DNAAF9: variants seen among roughly 807,000 people sequenced by gnomAD.
The protein encoded by DNAAF9 is shulin.
In DNAAF9, 90 loss-of-function variants were observed where a neutral mutation model predicts 167.0. The observed-to-expected ratio is 0.54, with a 90% CI of 0.45 to 0.64. The LOEUF (loss-of-function observed/expected upper bound fraction) is 0.64. Ranked by LOEUF, DNAAF9 falls within the 30% of genes least tolerant of loss-of-function variation. DNAAF9 has a pLI of 0.00. For missense variants in DNAAF9, 1,315 were observed against 1,442.2 expected, an observed-to-expected ratio of 0.91 and a Z score of 1.43; for synonymous variants, 491 against 508.8, an observed-to-expected ratio of 0.96 and a Z score of 0.47.
intron 10 of DNAAF9, among the ~76,000 whole-genome samples, chr20:3,333,271 G>A (rs1045648280): frequency 1.1e-4 from 16 of 152,178 alleles, no homozygotes; most frequent in Non-Finnish European, 1.9e-4. Context: ...CATTGATACA[G>A]AGATAAAATA....
intron 27 of DNAAF9, among the ~76,000 whole-genome samples, chr20:3,285,353 C>T (rs528184520): frequency 4.6e-5 from 7 of 151,558 alleles, no homozygotes; most frequent in African/African-American, 1.7e-4. Flanking sequence ...TCGAGACCAG[C>T]CTGGGCAACA....
rs188180260 is a variant in DNAAF9 at position 3,340,774 on chromosome 20, A to G, written c.846-135T>C. ...GCAAAGTGGTCAGTCAGTACAGTCG[A>G]CCGAATATCCTTGGCTGGTTGGAAA... On this transcript the variant is annotated intron_variant, in intron 9 of 36. Transcript: ENST00000252032. The G allele has an allele frequency of 2.2e-4, 158 of 729,310 alleles. 2 individuals carry two copies. In the Admixed American group the frequency reaches 3.1e-3, roughly 14 times the overall value. 45.2% of individuals were successfully genotyped at this position (729,310 alleles called of 1,614,324 possible).
Position 3,382,511 on chromosome 20 carries a change from A to G in DNAAF9, c.84-5T>C. 6.2e-7 allele frequency: 1 copy of G among 1,613,418 alleles called. No homozygotes were observed. ...ACCTGCCGAAGTCGACTGCAGCTGCAACAAGAACAGAAAATGGTCCCCTGA... is the reference window on the plus strand; with the variant it reads ...ACCTGCCGAAGTCGACTGCAGCTGCGACAAGAACAGAAAATGGTCCCCTGA... On this transcript the variant is annotated splice_polypyrimidine_tract_variant and splice_region_variant and intron_variant, in intron 1 of 36. Transcript: ENST00000252032.
chr20:3,357,623 C>A (rs559119287), intron 7 of DNAAF9, among the ~76,000 whole-genome samples: 2 of 121,360 alleles, frequency 1.6e-5, no homozygotes, highest in South Asian at 6.3e-4. Flanking sequence ...CTTCCTCACC[C>A]ATCCAGCTTT....
chr20:3,296,787 G>T, intron 23 of DNAAF9, 74 bp downstream of exon 23: 1 of 913,482 alleles, frequency 1.1e-6, no homozygotes, highest in Non-Finnish European at 1.8e-6. Context: ...GTTACATAAT[G>T]CGAGGCATCC....
Position 3,294,127 on chromosome 20 carries a change from G to C in DNAAF9, c.2238+12C>G. 7.2e-7 allele frequency: 1 copy of C among 1,390,694 alleles called. No individual in the cohort carries two copies. The highest frequency in any genetic ancestry group is 1.0e-6 in the Non-Finnish European group (1 of 976,960). The allele number at this position is 1,390,694 out of a possible 1,614,324, so 86.1% of individuals were successfully genotyped here. On this transcript the variant is annotated intron_variant, in intron 25 of 36. Transcript: ENST00000252032. ...CCTGTGAATTCCCAGCATATCTGGT[G>C]AGCTCCTCTACCTTGTCACTTTCTA... is the stretch of plus-strand genomic sequence containing the variant.
intron 1 of DNAAF9, among the ~76,000 whole-genome samples, chr20:3,401,428 G>A (rs1238195028): frequency 6.6e-6 from 1 of 152,032 alleles, no homozygotes; most frequent in African/African-American, 2.4e-5. Context: ...TTGAACTCCT[G>A]ACCTCAGGTG....
chr20:3,368,734 G>A (rs2083466317), intron 6 of DNAAF9, among the ~76,000 whole-genome samples: 1 of 151,940 alleles, frequency 6.6e-6, no homozygotes. Context: ...TAGCCAGGAT[G>A]GTCTCGATCT....
intron 7 of DNAAF9, among the ~76,000 whole-genome samples, chr20:3,357,450 C>T (rs888407432): frequency 5.3e-5 from 8 of 151,760 alleles, no homozygotes; most frequent in African/African-American, 1.7e-4. Flanking sequence ...CCAGCCTGGG[C>T]GACAGAGTGA....
At position 3,290,215 on chromosome 20, in the gene DNAAF9, T is replaced by C. The variant is rs2068926915; in HGVS notation, c.2241A>G (p.Val747=). The C allele has an allele frequency of 1.9e-6, 3 of 1,600,050 alleles. No homozygotes were observed. Among genetic ancestry groups the C allele is most frequent in the South Asian group, 1.1e-5 (1 of 90,842 alleles). The change falls in exon 26 of 37, where the codon GTA becomes GTG. Residue 747 remains valine, a splice_region_variant and synonymous_variant. Coordinates refer to ENST00000252032, the MANE Select transcript of DNAAF9 (RefSeq NM_001009984.3). ...NTTHRIESDK[V]IISIVTGLPG... The stretch of plus-strand genomic sequence containing the variant: ...GGAGGCCGGTTACAATGCTGATAAT[T>C]ACCTACATGAAGAAAAAGTCATGGG...
intron 1 of DNAAF9, among the ~76,000 whole-genome samples, chr20:3,393,301 T>C (rs1449490498): frequency 6.6e-5 from 10 of 152,006 alleles, no homozygotes; most frequent in African/African-American, 2.4e-4. Flanking sequence ...CCTCTTGAGT[T>C]CAGGAGTTCG....
At chr20:3,346,138 A>C (rs991457891) in intron 8 of DNAAF9, among the ~76,000 whole-genome samples, 2 of 152,236 alleles carry the variant, frequency 1.3e-5, no homozygotes, top group Non-Finnish European at 2.9e-5. Context: ...TGTGAGACTG[A>C]AAATTTTTAA....
intron 10 of DNAAF9, 53 bp downstream of exon 10, chr20:3,340,451 C>CCCCCCCCCCA: frequency 1.3e-6 from 1 of 743,596 alleles, no homozygotes. Context: ...CCCACCCCAC[C>CCCCCCCCCCA]CCCACAACTT....
chr20:3,318,504 G>A, intron 16 of DNAAF9, 104 bp from the exon 17 acceptor site: 1 of 626,576 alleles, frequency 1.6e-6, no homozygotes. Context: ...CATGGCAAAA[G>A]AGTACTGAAG....
chr20:3,331,963 C>T (rs1301735961), intron 11 of DNAAF9, among the ~76,000 whole-genome samples: 1 of 152,220 alleles, frequency 6.6e-6, no homozygotes, highest in Non-Finnish European at 1.5e-5. Flanking sequence ...CGTGAGCCGC[C>T]ATTCCTGGTC....
chr20:3,353,404 T>C (rs1050457371), intron 7 of DNAAF9, among the ~76,000 whole-genome samples: 2 of 151,936 alleles, frequency 1.3e-5, no homozygotes, highest in Non-Finnish European at 2.9e-5. Flanking sequence ...AGTGGGCAGA[T>C]CACCTGAGCC....
intron 35 of DNAAF9, among the ~76,000 whole-genome samples, chr20:3,254,859 G>A (rs970162677): frequency 1.3e-5 from 2 of 152,208 alleles, no homozygotes; most frequent in Non-Finnish European, 2.9e-5. Context: ...GCCTTCCTAT[G>A]AGCAGCCTCT....
At chr20:3,372,141 G>C (rs1210030542) in intron 6 of DNAAF9, among the ~76,000 whole-genome samples, 1 of 152,168 alleles carries the variant, frequency 6.6e-6, no homozygotes, top group Non-Finnish European at 1.5e-5. Flanking sequence ...TAAAAATTAA[G>C]TTATTAAGTA....
intron 7 of DNAAF9, among the ~76,000 whole-genome samples, chr20:3,349,198 AAAAAAC>A (rs1369254897): frequency 3.5e-5 from 5 of 141,694 alleles, no homozygotes; most frequent in South Asian, 2.4e-4. Context: ...CTACCAAAAA[AAAAAAC>A]AAAAAAAAAA....
Sources: gnomAD v4.1 joint callset for allele counts (sites outside exome capture counted in the v4.1 genomes callset) on GRCh38, gnomAD v4.1.1 for gene constraint, MANE v1.5 for transcripts, NCBI Gene and HGNC (gene_info 2026-07-23, HGNC 2026-07-21) for gene names.